Variants in RPF2 observed in about 807,000 individuals in gnomAD.
RPF2 encodes brix domain containing 1.
A neutral mutation model predicts 38.9 loss-of-function variants in RPF2; 21 were observed. The observed-to-expected ratio is 0.54, with a 90% CI of 0.38 to 0.78. The LOEUF (loss-of-function observed/expected upper bound fraction) is 0.78, where lower values mean the gene tolerates loss of function less well. Ranked by LOEUF, RPF2 falls within the 30% of genes least tolerant of loss-of-function variation. The pLI is 0.00. For synonymous variants in RPF2, 121 were observed against 126.2 expected, an observed-to-expected ratio of 0.96 and a Z score of 0.28; for missense variants, 314 against 358.1, an observed-to-expected ratio of 0.88 and a Z score of 0.99.
chr6:111,025,715 TG>T lies in RPF2; in HGVS notation c.*134del. On this transcript the variant is annotated 3_prime_UTR_variant, in exon 10 of 10. Coordinates refer to ENST00000441448, the MANE Select transcript of RPF2 (RefSeq NM_032194.3). The stretch of plus-strand genomic sequence containing the variant: ...ATGATAATTTTACGATATATTATTA[TG>T]AACAGTAATATACTAGTATTAAGTG... The T allele has an allele frequency of 7.5e-6, 5 of 667,302 alleles. No individual in the cohort carries two copies. The highest frequency in any genetic ancestry group is 2.4e-5 in the South Asian group (1 of 41,208). The allele number at this position is 667,302 out of a possible 1,614,324, so 41.3% of individuals were successfully genotyped here. A position where few individuals can be genotyped will look rare whatever the true frequency, so the allele number is the denominator to read the frequency against.
chr6:110,983,190 A>C (rs1323554196), intron 1 of RPF2, among the ~76,000 whole-genome samples: 1 of 152,172 alleles, frequency 6.6e-6, no homozygotes, highest in Non-Finnish European at 1.5e-5. Context: ...CAAGGTGCTC[A>C]TTGTAGAGGA....
At chr6:111,009,668 C>T (rs1771979306) in intron 7 of RPF2, among the ~76,000 whole-genome samples, 1 of 152,046 alleles carries the variant, frequency 6.6e-6, no homozygotes, top group Non-Finnish European at 1.5e-5. Flanking sequence ...AGGACTACAT[C>T]CTTTTCTATT....
intron 6 of RPF2, among the ~76,000 whole-genome samples, chr6:111,007,813 G>C (rs541923050): frequency 6.6e-6 from 1 of 152,044 alleles, no homozygotes; most frequent in Non-Finnish European, 1.5e-5. Flanking sequence ...CAGGCATGGT[G>C]GTGTGCACCT....
chr6:111,008,306 C>T (rs45544136), intron 7 of RPF2, among the ~76,000 whole-genome samples, 169 bp downstream of exon 7: 4,820 of 152,100 alleles, frequency 0.032, 125 homozygotes, highest in South Asian at 0.083. Flanking sequence ...GCATGCCATC[C>T]TTGCGCAGGG....
intron 7 of RPF2, among the ~76,000 whole-genome samples, chr6:111,010,740 T>C (rs938999986): frequency 6.6e-6 from 1 of 152,232 alleles, no homozygotes; most frequent in Non-Finnish European, 1.5e-5. Context: ...TAAAATTACG[T>C]TGTATGCACA....
In RPF2 at chr6:110,982,130, G is replaced by T; in HGVS notation, c.23+1G>T. 1 of 1,614,220 alleles carries T rather than the reference G, an allele frequency of 6.2e-7. No individual in the cohort carries two copies. Among genetic ancestry groups the T allele is most frequent in the Non-Finnish European group, 8.5e-7 (1 of 1,180,026 alleles). On this transcript the variant is annotated splice_donor_variant, in intron 1 of 9. Coordinates refer to ENST00000441448, the MANE Select transcript of RPF2 (RefSeq NM_032194.3). LOFTEE classifies it high-confidence loss of function. The stretch of plus-strand genomic sequence containing the variant: ...CGATGGACACTCTGGATCGAGTAGT[G>T]TAAGTGCGCTGGGTCTCAGCCCCGG...
chr6:111,006,112 G>C (rs938505714), intron 6 of RPF2, among the ~76,000 whole-genome samples: 2 of 151,428 alleles, frequency 1.3e-5, no homozygotes, highest in Admixed American at 1.3e-4. Context: ...AGCCTGTTTT[G>C]TATTTTTTTG....
chr6:110,990,536 A>G (rs1040492930), intron 3 of RPF2, among the ~76,000 whole-genome samples: 3 of 144,704 alleles, frequency 2.1e-5, no homozygotes, highest in African/African-American at 5.1e-5. Context: ...TGTTGCTTAA[A>G]TTGTTCTGTT....
Position 111,025,465 on chromosome 6 carries a change from G to A in RPF2, c.804G>A (p.Met268Ile), listed in dbSNP as rs1159783523. 3 of 1,613,166 alleles carry A rather than the reference G, an allele frequency of 1.9e-6. No homozygotes were observed. The highest frequency in any genetic ancestry group is 2.5e-6 in the Non-Finnish European group (3 of 1,179,408). ...TFGTTYGRIH[M>I]QKQDLSKLQT... ...GTACAACTTATGGAAGGATTCATAT[G>A]CAGAAGCAAGACCTAAGCAAACTAC... Residue 268 changes from methionine to isoleucine, a missense_variant, in exon 10 of 10, where the codon ATG (methionine) becomes ATA (isoleucine). By Grantham distance (10) the Met-to-Ile change is conservative. Coordinates refer to ENST00000441448, the MANE Select transcript of RPF2 (RefSeq NM_032194.3).
intron 7 of RPF2, 148 bp from the exon 8 acceptor site, chr6:111,015,606 G>T: frequency 3.2e-6 from 2 of 615,702 alleles, no homozygotes. Flanking sequence ...AATGCTTAAG[G>T]GGTGGGACCT....
chr6:110,996,131 T>G (rs961828851), intron 4 of RPF2, among the ~76,000 whole-genome samples: 2 of 151,896 alleles, frequency 1.3e-5, no homozygotes, highest in African/African-American at 2.4e-5. Context: ...TAAGTTTTTT[T>G]TTTTTTTTTT....
intron 5 of RPF2, among the ~76,000 whole-genome samples, chr6:110,999,038 G>C (rs1771768724): frequency 6.6e-6 from 1 of 151,876 alleles, no homozygotes. Context: ...CCACAAGTAA[G>C]AAAGAATATG....
intron 8 of RPF2, among the ~76,000 whole-genome samples, chr6:111,023,529 C>T (rs1772268827): frequency 6.6e-6 from 1 of 152,040 alleles, no homozygotes; most frequent in Non-Finnish European, 1.5e-5. Flanking sequence ...GATTTTATTT[C>T]ATTTCTGAGA....
At chr6:111,012,161 C>CT (rs1303897053) in intron 7 of RPF2, among the ~76,000 whole-genome samples, 10 of 124,570 alleles carry the variant, frequency 8.0e-5, no homozygotes, top group Non-Finnish European at 1.0e-4. Flanking sequence ...TTGTTTACAT[C>CT]ATTTTTTTTT....
At chr6:110,994,727 G>GTATATATATA (rs147149680) in intron 4 of RPF2, among the ~76,000 whole-genome samples, 74 of 107,364 alleles carry the variant, frequency 6.9e-4, no homozygotes, top group South Asian at 3.9e-3. Flanking sequence ...AATGGGATGA[G>GTATATATATA]TATATATACA....
At position 111,026,758 on chromosome 6, in the gene RPF2, T is replaced by C. The variant is rs1772335181; in HGVS notation, c.*1176T>C. ...GTATTGCATACTTGTTTTTCTGGAATAGGGTGTTAAGTTCCTTGATTCAGT... is the reference window on the plus strand; with the variant it reads ...GTATTGCATACTTGTTTTTCTGGAACAGGGTGTTAAGTTCCTTGATTCAGT... On this transcript the variant is annotated 3_prime_UTR_variant, in exon 10 of 10. Transcript: ENST00000441448. 1 of 152,240 alleles carries C rather than the reference T, an allele frequency of 6.6e-6. No individual in the cohort carries two copies. Among genetic ancestry groups the C allele is most frequent in the African/African-American group, 2.4e-5 (1 of 41,468 alleles). The allele number at this position is 152,240 out of a possible 1,614,324, so 9.4% of individuals were successfully genotyped here.
At chr6:111,017,661 C>T (rs1304142951) in intron 8 of RPF2, among the ~76,000 whole-genome samples, 3 of 149,826 alleles carry the variant, frequency 2.0e-5, no homozygotes, top group Non-Finnish European at 4.4e-5. Flanking sequence ...GATGGGCGGC[C>T]GGGCAGAGAC....
chr6:111,022,202 T>G (rs1325644968), intron 8 of RPF2, among the ~76,000 whole-genome samples: 3 of 152,182 alleles, frequency 2.0e-5, no homozygotes, highest in Non-Finnish European at 4.4e-5. Flanking sequence ...AACATTCTAA[T>G]TGAGGAGTTT....
intron 6 of RPF2, among the ~76,000 whole-genome samples, chr6:111,001,896 C>G (rs1364084675): frequency 6.6e-6 from 1 of 152,178 alleles, no homozygotes; most frequent in African/African-American, 2.4e-5. Context: ...GTAAGCCCAT[C>G]ACTTTGGGAG....
Sources: allele counts gnomAD v4.1 joint callset (sites outside exome capture counted in the v4.1 genomes callset), GRCh38; gene constraint gnomAD v4.1.1; transcripts MANE v1.5; gene names NCBI Gene and HGNC (gene_info 2026-07-23, HGNC 2026-07-21).